The following RASA1 variants were observed in gnomAD, a reference collection of about 807,000 sequenced individuals.
The protein encoded by RASA1 is ras GTPase-activating protein 1.
RASA1 carries 25 observed loss-of-function variants against 132.2 expected under a neutral mutation model. That is an observed-to-expected ratio of 0.19 (90% CI 0.14 to 0.26). The LOEUF is 0.26. Among genes scored for constraint, RASA1 ranks in the 10% least tolerant of loss-of-function variants. The pLI is 1.00. For synonymous variants in RASA1, 477 were observed against 449.9 expected, an observed-to-expected ratio of 1.06 and a Z score of -0.76; for missense variants, 964 against 1,299.2, an observed-to-expected ratio of 0.74 and a Z score of 3.97.
chr5:87,368,405 C>A (rs1359897668), intron 11 of RASA1, among the ~76,000 whole-genome samples: 1 of 152,094 alleles, frequency 6.6e-6, no homozygotes, highest in African/African-American at 2.4e-5. Context: ...TCAGTATCTG[C>A]ATTATATGTA....
At chr5:87,340,099 T>A (rs77813554) in intron 5 of RASA1, among the ~76,000 whole-genome samples, 112 of 152,276 alleles carry the variant, frequency 7.4e-4, no homozygotes, top group Middle Eastern at 3.4e-3. Flanking sequence ...TTAGTAGGCA[T>A]TCAGAAAATG....
rs779355643 is a variant in RASA1, at chr5:87,389,399, C to T, written c.2932C>T (p.Pro978Ser). The T allele has an allele frequency of 2.5e-6, 4 of 1,614,048 alleles. No individual in the cohort carries two copies. Among genetic ancestry groups the T allele is most frequent in the Non-Finnish European group, 3.4e-6 (4 of 1,179,932 alleles). Residue 978 changes from proline (P) to serine (S), a missense_variant, in exon 24 of 25, where the codon CCT becomes TCT. Physicochemically the swap from Pro to Ser is moderately conservative, Grantham distance 74 (BLOSUM62 -1). Coordinates refer to ENST00000274376, the MANE Select transcript of RASA1 (RefSeq NM_002890.3). Reference protein sequence around the residue: ...IMFLDELGNVPELPDTTEHSR... With the variant: ...IMFLDELGNVSELPDTTEHSR... ...TTTTACGATTCCCTTAAAGAATGTA[C>T]CTGAACTTCCGGACACTACAGAGCA...
intron 24 of RASA1, 121 bp downstream of exon 24, chr5:87,389,648 A>T: frequency 7.7e-7 from 1 of 1,300,096 alleles, no homozygotes; most frequent in South Asian, 1.2e-5. Flanking sequence ...GAGACTCTGC[A>T]TCATATTACA....
chr5:87,363,294 T>C (rs1237311522), intron 10 of RASA1, 54 bp from the exon 11 acceptor site: 1 of 1,424,192 alleles, frequency 7.0e-7, no homozygotes, highest in Non-Finnish European at 9.8e-7. Flanking sequence ...TTTAATAATA[T>C]GTAGGATTTC....
At chr5:87,358,789 T>A (rs531995958) in intron 9 of RASA1, among the ~76,000 whole-genome samples, 20 of 152,252 alleles carry the variant, frequency 1.3e-4, no homozygotes, top group Admixed American at 5.9e-4. Context: ...TCACTCATAC[T>A]TGCTTCTGTA....
intron 5 of RASA1, among the ~76,000 whole-genome samples, chr5:87,338,781 ATTCT>A (rs1300232857): frequency 1.3e-5 from 2 of 151,418 alleles, no homozygotes; most frequent in Non-Finnish European, 2.9e-5. Context: ...TTGGTTTTAG[ATTCT>A]TTATCTTTCA....
chr5:87,299,363 A>T (rs1755259750), intron 1 of RASA1, among the ~76,000 whole-genome samples: 1 of 152,170 alleles, frequency 6.6e-6, no homozygotes, highest in South Asian at 2.1e-4. Context: ...GCTTTTAGTG[A>T]ATCACTATAT....
intron 1 of RASA1, among the ~76,000 whole-genome samples, chr5:87,283,311 C>T (rs993023538): frequency 6.6e-6 from 1 of 151,664 alleles, no homozygotes; most frequent in Non-Finnish European, 1.5e-5. Context: ...AAATTAAAAA[C>T]CTTTCCAACA....
chr5:87,383,881 C>A, intron 21 of RASA1, 101 bp downstream of exon 21: 2 of 991,326 alleles, frequency 2.0e-6, no homozygotes, highest in Non-Finnish European at 3.0e-6. Flanking sequence ...TTTGATCATC[C>A]AATTCTAGTC....
chr5:87,340,039 T>C (rs1758324431), intron 5 of RASA1, among the ~76,000 whole-genome samples: 1 of 152,180 alleles, frequency 6.6e-6, no homozygotes, highest in Non-Finnish European at 1.5e-5. Flanking sequence ...GGAGGGATTT[T>C]TGTCTCTGAT....
At chr5:87,347,261 C>G (rs573704632) in intron 7 of RASA1, among the ~76,000 whole-genome samples, 1 of 151,814 alleles carries the variant, frequency 6.6e-6, no homozygotes, top group Non-Finnish European at 1.5e-5. Context: ...TCTTTGTATA[C>G]TTGTGGAATT....
chr5:87,297,535 G>C (rs1446546318), intron 1 of RASA1, among the ~76,000 whole-genome samples: 1 of 152,156 alleles, frequency 6.6e-6, no homozygotes, highest in African/African-American at 2.4e-5. Flanking sequence ...GGTTAGAAAG[G>C]ACTGGAATTT....
intron 1 of RASA1, among the ~76,000 whole-genome samples, chr5:87,273,846 C>T (rs1348557201): frequency 6.6e-6 from 1 of 151,912 alleles, no homozygotes; most frequent in African/African-American, 2.4e-5. Flanking sequence ...TACAGGTACA[C>T]ACCACCATGC....
chr5:87,365,929 G>A (rs1356939288), intron 11 of RASA1, among the ~76,000 whole-genome samples: 2 of 152,032 alleles, frequency 1.3e-5, no homozygotes, highest in Non-Finnish European at 2.9e-5. Flanking sequence ...ATAATGAAAT[G>A]GAGGCTGTAA....
At chr5:87,354,386 A>G (rs557283746) in intron 9 of RASA1, among the ~76,000 whole-genome samples, 51 of 152,238 alleles carry the variant, frequency 3.4e-4, no homozygotes, top group African/African-American at 1.2e-3. Flanking sequence ...AAATGTTTCA[A>G]ACTTTTTCAC....
intron 1 of RASA1, among the ~76,000 whole-genome samples, chr5:87,285,355 C>A (rs543964033): frequency 1.3e-5 from 2 of 152,062 alleles, no homozygotes; most frequent in South Asian, 4.1e-4. Context: ...GCGTGAGCCA[C>A]CGCGCCTGGC....
Position 87,268,316 on chromosome 5 carries a change from C to G in RASA1, c.-136C>G. 2 of 1,153,884 alleles carry G rather than the reference C, an allele frequency of 1.7e-6. No individual in the cohort carries two copies. The highest frequency in any genetic ancestry group is 3.5e-5 in the South Asian group (2 of 57,358). 71.5% of individuals were successfully genotyped at this position (1,153,884 alleles called of 1,614,324 possible). A position where few individuals can be genotyped will look rare whatever the true frequency, so the allele number is the denominator to read the frequency against. ...AGGAGGGGGCGCGGCGGCGGGCTCT[C>G]TCCTTTTGTTGTTGTTTCCTCAGCC... On this transcript the variant is annotated 5_prime_UTR_variant, in exon 1 of 25. Transcript: ENST00000274376.
rs1753684104 is a variant in RASA1 at position 87,268,738 on chromosome 5, C to T, written c.287C>T (p.Ala96Val). Residue 96 changes from alanine to valine, a missense_variant, in exon 1 of 25, where the codon GCT (alanine) becomes GTT (valine). By Grantham distance (64) the Ala-to-Val change is moderately conservative (BLOSUM62 0). Coordinates refer to ENST00000274376, the MANE Select transcript of RASA1 (RefSeq NM_002890.3). ...LTGGGTAAGV[A>V]GAAAGVAGAA... Reference sequence around the variant, plus strand: ...GGGGGAGGTACTGCTGCTGGCGTAGCTGGTGCTGCTGCTGGCGTGGCCGGT... The same window carrying T: ...GGGGGAGGTACTGCTGCTGGCGTAGTTGGTGCTGCTGCTGGCGTGGCCGGT... 2 of 1,613,074 alleles carry T rather than the reference C, an allele frequency of 1.2e-6. No individual in the cohort carries two copies. Among genetic ancestry groups the T allele is most frequent in the Non-Finnish European group, 1.7e-6 (2 of 1,179,604 alleles).
chr5:87,390,350 G>GTT (rs1762409859), intron 24 of RASA1, among the ~76,000 whole-genome samples: 1 of 152,040 alleles, frequency 6.6e-6, no homozygotes, highest in Admixed American at 6.6e-5. Flanking sequence ...TTGTAGAAGG[G>GTT]ATTAAAGCAT....
Sources: allele counts gnomAD v4.1 joint callset (sites outside exome capture counted in the v4.1 genomes callset), GRCh38; gene constraint gnomAD v4.1.1; transcripts MANE v1.5; gene names NCBI Gene and HGNC (gene_info 2026-07-23, HGNC 2026-07-21).